The following SYNDIG1 variants were observed in gnomAD, a reference collection of about 807,000 sequenced individuals.
SYNDIG1 encodes the protein synapse differentiation-inducing gene protein 1.
In SYNDIG1, 9 loss-of-function variants were observed where a neutral mutation model predicts 19.4. That is an observed-to-expected ratio of 0.46 (90% CI 0.28 to 0.81). The LOEUF (loss-of-function observed/expected upper bound fraction) is 0.81. Ranked by LOEUF, SYNDIG1 falls within the 30% of genes least tolerant of loss-of-function variation. The pLI is 0.12. For missense variants in SYNDIG1, 311 were observed against 343.3 expected (o/e 0.91, Z 0.74); for synonymous variants, 141 against 145.9 (o/e 0.97, Z 0.24).
intron 2 of SYNDIG1, among the ~76,000 whole-genome samples, chr20:24,584,357 G>A (rs546520176): frequency 6.6e-6 from 1 of 152,368 alleles, no homozygotes; most frequent in Non-Finnish European, 1.5e-5. Flanking sequence ...GTCCGCTAGT[G>A]AGAAGTCTCG....
chr20:24,639,190 G>A (rs1432075849), intron 3 of SYNDIG1, among the ~76,000 whole-genome samples: 2 of 152,248 alleles, frequency 1.3e-5, no homozygotes, highest in African/African-American at 4.8e-5. Flanking sequence ...AGTGAGGTAA[G>A]ACGCAGGCAG....
Position 24,527,891 on chromosome 20 carries a change from C to A in SYNDIG1, c.-78-15129C>A, listed in dbSNP as rs2057161391. Among the ~76,000 whole-genome samples, 4 of 152,194 alleles carry A rather than the reference C, an allele frequency of 2.6e-5. No homozygotes were observed. The South Asian group carries it at 8.3e-4, about 32-fold the overall frequency. ...ACATGCCCTTCAGGTGATTCAAATG[C>A]ATGCTTAAATCTGAGACCACATCCG... On this transcript the variant is annotated intron_variant, in intron 1 of 3. Coordinates refer to ENST00000376862, the MANE Select transcript of SYNDIG1 (RefSeq NM_024893.3).
intron 3 of SYNDIG1, among the ~76,000 whole-genome samples, chr20:24,654,633 GGAGA>G (rs1256703116): frequency 1.5e-5 from 2 of 135,598 alleles, no homozygotes; most frequent in South Asian, 2.5e-4. Flanking sequence ...GAGGGAGGAA[GGAGA>G]GAGGGAGGGA....
chr20:24,568,083 G>A lies in SYNDIG1; in HGVS notation c.481-16773G>A, dbSNP rs186222942. 9.9e-3 allele frequency among the ~76,000 whole-genome samples: 1,515 copies of A among 152,324 alleles called. 13 individuals carry two copies. Among genetic ancestry groups the A allele is most frequent in the Non-Finnish European group, 0.015 (1,044 of 68,030 alleles). ...TTGAATCCGGGAGGCAGAGGTTGCA[G>A]TGAGTTGAGATCGCGCTATTGCACT... On this transcript the variant is annotated intron_variant, in intron 2 of 3. Coordinates refer to ENST00000376862, the MANE Select transcript of SYNDIG1 (RefSeq NM_024893.3).
At chr20:24,530,112 T>A (rs1011788235) in intron 1 of SYNDIG1, among the ~76,000 whole-genome samples, 2 of 36,914 alleles carry the variant, frequency 5.4e-5, no homozygotes, top group African/African-American at 1.9e-4. Flanking sequence ...TCCCTCCACA[T>A]TATCCTTAAA....
chr20:24,546,644 A>G (rs1294245547), intron 2 of SYNDIG1, among the ~76,000 whole-genome samples: 3 of 152,138 alleles, frequency 2.0e-5, no homozygotes, highest in Non-Finnish European at 4.4e-5. Flanking sequence ...GCATGTTACT[A>G]TCTCATTGAC....
chr20:24,510,711 T>A (rs1002229623), intron 1 of SYNDIG1, among the ~76,000 whole-genome samples: 3 of 152,214 alleles, frequency 2.0e-5, no homozygotes, highest in Admixed American at 2.0e-4. Context: ...TAAATTCACA[T>A]CTTTTATTAG....
intron 2 of SYNDIG1, among the ~76,000 whole-genome samples, chr20:24,558,148 G>T (rs1054109308): frequency 1.3e-5 from 2 of 152,194 alleles, no homozygotes; most frequent in Non-Finnish European, 2.9e-5. Flanking sequence ...GTGAGTTTCG[G>T]TTCTTCACTA....
intron 1 of SYNDIG1, among the ~76,000 whole-genome samples, chr20:24,531,664 A>G (rs1316291708): frequency 6.6e-6 from 1 of 152,042 alleles, no homozygotes; most frequent in Non-Finnish European, 1.5e-5. Context: ...TGAGTAATCA[A>G]AATTTCTTCA....
At chr20:24,643,761 C>T (rs754489034) in intron 3 of SYNDIG1, among the ~76,000 whole-genome samples, 11 of 152,180 alleles carry the variant, frequency 7.2e-5, no homozygotes, top group Admixed American at 2.6e-4. Flanking sequence ...TTGACAAATG[C>T]GCAGTGCCAC....
intron 1 of SYNDIG1, among the ~76,000 whole-genome samples, chr20:24,483,119 G>A (rs777023691): frequency 1.3e-5 from 2 of 152,216 alleles, no homozygotes; most frequent in African/African-American, 4.8e-5. Flanking sequence ...CCTGATTTGG[G>A]GGAAGTGGAA....
intron 1 of SYNDIG1, among the ~76,000 whole-genome samples, chr20:24,512,904 G>A (rs549467003): frequency 1.3e-5 from 2 of 152,274 alleles, no homozygotes; most frequent in South Asian, 2.1e-4. Context: ...AACTCACATG[G>A]CCGGGTACCC....
intron 3 of SYNDIG1, among the ~76,000 whole-genome samples, chr20:24,646,752 G>T (rs1217196329): frequency 6.6e-6 from 1 of 152,014 alleles, no homozygotes; most frequent in Non-Finnish European, 1.5e-5. Context: ...CTCCTGAGTA[G>T]CTGGGACTAC....
At chr20:24,632,442 G>T (rs541630171) in intron 3 of SYNDIG1, among the ~76,000 whole-genome samples, 1 of 152,020 alleles carries the variant, frequency 6.6e-6, no homozygotes, top group African/African-American at 2.4e-5. Flanking sequence ...GTTTCACCAC[G>T]TTGGCCAGGC....
In SYNDIG1 at chr20:24,666,185, A is replaced by G. The variant is rs1324505393; in HGVS notation, c.*681A>G. On this transcript the variant is annotated 3_prime_UTR_variant, in exon 4 of 4. Transcript: ENST00000376862. ...CTACACTCCACAGCTACCCCGCAGC[A>G]ATACGCACTCTTGGGACCTCGCTGA... is the stretch of plus-strand genomic sequence containing the variant. The G allele has an allele frequency of 6.6e-6, 1 of 152,556 alleles. No individual in the cohort carries two copies. Among genetic ancestry groups the G allele is most frequent in the Non-Finnish European group, 1.5e-5 (1 of 68,070 alleles). 9.5% of individuals were successfully genotyped at this position (152,556 alleles called of 1,614,324 possible). A position where few individuals can be genotyped will look rare whatever the true frequency, so the allele number is the denominator to read the frequency against.
intron 3 of SYNDIG1, among the ~76,000 whole-genome samples, chr20:24,662,338 A>G (rs2059612322): frequency 6.6e-6 from 1 of 152,052 alleles, no homozygotes. Context: ...TCTTCTACAT[A>G]TCTTTGCAAC....
chr20:24,568,720 G>C (rs2058093472), intron 2 of SYNDIG1, among the ~76,000 whole-genome samples: 1 of 152,208 alleles, frequency 6.6e-6, no homozygotes, highest in African/African-American at 2.4e-5. Context: ...CACTCAAAAT[G>C]TGCTATCTGA....
intron 3 of SYNDIG1, among the ~76,000 whole-genome samples, chr20:24,664,779 G>T (rs2059632871): frequency 6.6e-6 from 1 of 152,168 alleles, no homozygotes; most frequent in Non-Finnish European, 1.5e-5. Context: ...GGCCACAGCA[G>T]GTGAGGCAGC....
intron 3 of SYNDIG1, among the ~76,000 whole-genome samples, chr20:24,657,354 G>A (rs77996611): frequency 0.01 from 1,593 of 152,278 alleles, 12 homozygotes; most frequent in Non-Finnish European, 0.016. Flanking sequence ...TGAGGACAAG[G>A]ACACTCAAGA....
Sources: gnomAD v4.1 joint callset for allele counts (sites outside exome capture counted in the v4.1 genomes callset) on GRCh38, gnomAD v4.1.1 for gene constraint, MANE v1.5 for transcripts, NCBI Gene and HGNC (gene_info 2026-07-23, HGNC 2026-07-21) for gene names.